Variants in CSMD3 observed in about 807,000 individuals in gnomAD.
CSMD3 encodes CUB and Sushi multiple domains 3, also known as CUB and sushi domain-containing protein 3.
A neutral mutation model predicts 435.2 loss-of-function variants in CSMD3; 177 were observed. The ratio of observed to expected loss-of-function variants is 0.41; its 90% CI spans 0.36 to 0.46. The LOEUF is 0.46. Ranked by LOEUF, CSMD3 falls within the 20% of genes least tolerant of loss-of-function variation. The pLI, the probability that CSMD3 is intolerant of heterozygous loss-of-function variation, is 0.34. For missense variants in CSMD3, 4,265 were observed against 4,504.6 expected, an observed-to-expected ratio of 0.95 and a Z score of 1.52; for synonymous variants, 1,656 against 1,520.5, an observed-to-expected ratio of 1.09 and a Z score of -2.07.
At chr8:112,432,921 A>G (rs1329524809) in intron 32 of CSMD3, among the ~76,000 whole-genome samples, 3 of 138,830 alleles carry the variant, frequency 2.2e-5, no homozygotes, top group African/African-American at 7.7e-5. Flanking sequence ...AAAAAAAAAA[A>G]AAAGAGTTTG....
intron 13 of CSMD3, among the ~76,000 whole-genome samples, chr8:112,690,485 A>G (rs1003749496): frequency 2.6e-5 from 4 of 151,914 alleles, no homozygotes; most frequent in African/African-American, 7.2e-5. Flanking sequence ...ACACGAGGGA[A>G]CATTCTCTGT....
chr8:113,413,309 A>G (rs1273813285), intron 1 of CSMD3, among the ~76,000 whole-genome samples: 1 of 152,106 alleles, frequency 6.6e-6, no homozygotes, highest in African/African-American at 2.4e-5. Flanking sequence ...ATTTTACCTA[A>G]CACAGATTGA....
chr8:112,275,489 G>A (rs1013339966), intron 59 of CSMD3, among the ~76,000 whole-genome samples: 1 of 152,138 alleles, frequency 6.6e-6, no homozygotes, highest in Non-Finnish European at 1.5e-5. Flanking sequence ...AGAGGTTGCA[G>A]TGAGCCAAAA....
chr8:113,276,340 A>G (rs2093569926), intron 3 of CSMD3, among the ~76,000 whole-genome samples: 1 of 152,092 alleles, frequency 6.6e-6, no homozygotes, highest in Non-Finnish European at 1.5e-5. Context: ...CTGGAGTATA[A>G]GATGTGTGGA....
chr8:112,237,959 G>C (rs1164771520), intron 66 of CSMD3, among the ~76,000 whole-genome samples: 5 of 152,038 alleles, frequency 3.3e-5, no homozygotes, highest in Admixed American at 3.3e-4. Flanking sequence ...GACTCTCAAG[G>C]ATGAGAGATG....
intron 6 of CSMD3, among the ~76,000 whole-genome samples, chr8:112,995,352 G>A (rs983329561): frequency 3.6e-4 from 55 of 151,534 alleles, no homozygotes; most frequent in Non-Finnish European, 6.5e-4. Context: ...AATGTGAGGG[G>A]AATTAGTAAA....
intron 38 of CSMD3, among the ~76,000 whole-genome samples, chr8:112,378,336 C>G (rs1400906289): frequency 6.6e-6 from 1 of 151,588 alleles, no homozygotes; most frequent in African/African-American, 2.4e-5. Flanking sequence ...ATCCAAAAGA[C>G]AAAATCAGTA....
chr8:112,589,335 T>A (rs533856310), intron 22 of CSMD3, among the ~76,000 whole-genome samples: 350 of 152,262 alleles, frequency 2.3e-3, no homozygotes, highest in African/African-American at 8.0e-3. Flanking sequence ...ATGTGCTATT[T>A]TCTCCGCATA....
intron 1 of CSMD3, among the ~76,000 whole-genome samples, chr8:113,412,061 G>A (rs979260524): frequency 3.3e-5 from 5 of 151,922 alleles, no homozygotes; most frequent in Non-Finnish European, 5.9e-5. Context: ...CAACAGTGTC[G>A]CTATCATGAT....
At chr8:112,359,732 T>C (rs993617346) in intron 38 of CSMD3, among the ~76,000 whole-genome samples, 1 of 152,072 alleles carries the variant, frequency 6.6e-6, no homozygotes, top group Admixed American at 6.6e-5. Flanking sequence ...TGGGAATACA[T>C]TTGAGGCAGT....
intron 3 of CSMD3, among the ~76,000 whole-genome samples, chr8:113,181,975 G>A (rs578049430): frequency 6.6e-6 from 1 of 152,010 alleles, no homozygotes; most frequent in African/African-American, 2.4e-5. Flanking sequence ...ATAATTTACT[G>A]GAATTATATA....
intron 38 of CSMD3, among the ~76,000 whole-genome samples, chr8:112,366,011 C>G (rs1827753666): frequency 1.3e-5 from 2 of 152,240 alleles, no homozygotes; most frequent in Non-Finnish European, 2.9e-5. Context: ...CAAGTAGGAT[C>G]AAGACCCTGA....
At chr8:112,513,789 G>A (rs1823389026) in intron 28 of CSMD3, among the ~76,000 whole-genome samples, 1 of 152,096 alleles carries the variant, frequency 6.6e-6, no homozygotes, top group African/African-American at 2.4e-5. Flanking sequence ...CAGAATGATA[G>A]CAAAATGTTC....
At chr8:112,505,620 G>C (rs745955096) in intron 29 of CSMD3, among the ~76,000 whole-genome samples, 2 of 151,880 alleles carry the variant, frequency 1.3e-5, no homozygotes, top group African/African-American at 2.4e-5. Flanking sequence ...TAACTTCTTT[G>C]AAAATGAAAT....
chr8:112,411,247 C>G (rs1437913096), intron 32 of CSMD3, among the ~76,000 whole-genome samples: 1 of 151,040 alleles, frequency 6.6e-6, no homozygotes, highest in Non-Finnish European at 1.5e-5. Context: ...CAGCCATTAA[C>G]CCCACATTTT....
chr8:112,492,444 A>G (rs1563611141), intron 31 of CSMD3, 45 bp downstream of exon 31: 2 of 1,485,312 alleles, frequency 1.3e-6, no homozygotes, highest in Non-Finnish European at 1.9e-6. Flanking sequence ...ATATTTTTTG[A>G]TTTTTTCTAA....
chr8:112,695,100 C>G (rs1440184808), intron 13 of CSMD3, among the ~76,000 whole-genome samples: 1 of 152,104 alleles, frequency 6.6e-6, no homozygotes, highest in Non-Finnish European at 1.5e-5. Context: ...CACTCTAATA[C>G]TGAGCTTTTC....
intron 32 of CSMD3, among the ~76,000 whole-genome samples, chr8:112,468,877 A>G (rs942961281): frequency 2.6e-5 from 4 of 152,072 alleles, no homozygotes; most frequent in Admixed American, 1.3e-4. Context: ...GAGAGTAATA[A>G]AACAAGTAGA....
rs568221855 is a variant in CSMD3 at position 112,659,714 on chromosome 8, G to A, written c.2817-3373C>T. Among the ~76,000 whole-genome samples, 3 of 152,274 alleles carry A rather than the reference G, an allele frequency of 2.0e-5. No individual in the cohort carries two copies. In the South Asian group the frequency reaches 6.2e-4, roughly 32 times the overall value. On this transcript the variant is annotated intron_variant, in intron 17 of 70. Coordinates refer to ENST00000297405, the MANE Select transcript of CSMD3 (RefSeq NM_198123.2). ...CAAAAATTCCTTTGCAGATCTGAGA[G>A]TAAGAATTGTTAAATGTTTGGATAT...
Sources: gnomAD v4.1 joint callset for allele counts (sites outside exome capture counted in the v4.1 genomes callset) on GRCh38, gnomAD v4.1.1 for gene constraint, MANE v1.5 for transcripts, NCBI Gene and HGNC (gene_info 2026-07-23, HGNC 2026-07-21) for gene names.